Variants in PIP4P2 observed in about 807,000 individuals in gnomAD.
PIP4P2 encodes type 2 phosphatidylinositol 4,5-bisphosphate 4-phosphatase.
PIP4P2 carries 19 observed loss-of-function variants against 33.3 expected under a neutral mutation model. The ratio of observed to expected loss-of-function variants is 0.57; its 90% CI spans 0.40 to 0.84. PIP4P2 has a LOEUF of 0.84. Among genes scored for constraint, PIP4P2 ranks in the 40% least tolerant of loss-of-function variants. PIP4P2 has a pLI of 0.00. For synonymous variants in PIP4P2, 110 were observed against 111.9 expected (o/e 0.98, Z 0.11); for missense variants, 270 against 324.7 (o/e 0.83, Z 1.29).
At chr8:91,014,094 G>C (rs1811878476) in intron 4 of PIP4P2, among the ~76,000 whole-genome samples, 2 of 152,060 alleles carry the variant, frequency 1.3e-5, no homozygotes, top group South Asian at 4.1e-4. Flanking sequence ...TAAAAAAAGA[G>C]GGACTATGAC....
chr8:91,034,474 C>T (rs747764919), intron 1 of PIP4P2, among the ~76,000 whole-genome samples: 2 of 152,164 alleles, frequency 1.3e-5, no homozygotes, highest in Non-Finnish European at 2.9e-5. Flanking sequence ...GAGGATGTGG[C>T]CTCAGTGAAG....
At chr8:91,001,953 A>G (rs777834469) in intron 5 of PIP4P2, among the ~76,000 whole-genome samples, 8 of 152,168 alleles carry the variant, frequency 5.3e-5, no homozygotes, top group African/African-American at 1.4e-4. Context: ...CCTAGATCGC[A>G]TAAGTGATAT....
At chr8:91,004,206 G>A (rs1811739117) in intron 5 of PIP4P2, among the ~76,000 whole-genome samples, 1 of 152,148 alleles carries the variant, frequency 6.6e-6, no homozygotes, top group African/African-American at 2.4e-5. Context: ...GGAGCTGAGG[G>A]ACCACTGGTG....
chr8:91,031,955 G>A (rs62528334), intron 1 of PIP4P2, among the ~76,000 whole-genome samples: 7,039 of 151,866 alleles, frequency 0.046, 293 homozygotes, highest in South Asian at 0.19. Flanking sequence ...TTTCCTAAGT[G>A]TGTCCAGCTT....
chr8:91,025,548 T>C (rs1184274851), intron 1 of PIP4P2, among the ~76,000 whole-genome samples: 1 of 152,218 alleles, frequency 6.6e-6, no homozygotes, highest in African/African-American at 2.4e-5. Flanking sequence ...CAATTATTCC[T>C]TTATACGTCT....
chr8:91,001,750 T>A (rs1811702729), intron 5 of PIP4P2, among the ~76,000 whole-genome samples: 1 of 152,096 alleles, frequency 6.6e-6, no homozygotes, highest in Non-Finnish European at 1.5e-5. Flanking sequence ...TGATTATGCT[T>A]CTGGAATCTT....
At position 90,995,691 on chromosome 8, in the gene PIP4P2, G is replaced by T. The variant is rs769826071; in HGVS notation, c.760C>A (p.His254Asn). 1 of 1,612,108 alleles carries T rather than the reference G, an allele frequency of 6.2e-7. No homozygotes were observed. Among genetic ancestry groups the T allele is most frequent in the Non-Finnish European group, 8.5e-7 (1 of 1,179,204 alleles). The change falls in exon 7 of 7, where the codon CAC (histidine) becomes AAC (asparagine). Residue 254 changes from histidine (H) to asparagine (N), a missense_variant. By Grantham distance (68) the His-to-Asn change is moderately conservative. Transcript: ENST00000285419. ...CATAAACAAGCTTATGCAAAACTGT[G>T]TTCTGGATAACTGACTCTTATGGCT... The part of the protein sequence containing the change: ...WGAIRVSYPE[H>N]SFA
chr8:91,025,086 G>T (rs1036543001), intron 1 of PIP4P2, among the ~76,000 whole-genome samples: 1 of 151,886 alleles, frequency 6.6e-6, no homozygotes, highest in Non-Finnish European at 1.5e-5. Context: ...GGACCAATGG[G>T]GGGATTTTTC....
At chr8:91,000,774 A>G (rs1028554707) in intron 5 of PIP4P2, among the ~76,000 whole-genome samples, 2 of 151,968 alleles carry the variant, frequency 1.3e-5, no homozygotes, top group South Asian at 2.1e-4. Context: ...ATAAAAATTC[A>G]TATCTTTCAT....
chr8:91,018,163 G>A (rs1348477867), intron 4 of PIP4P2, among the ~76,000 whole-genome samples: 6 of 152,164 alleles, frequency 3.9e-5, no homozygotes, highest in African/African-American at 1.4e-4. Flanking sequence ...CCTACATAGA[G>A]AGGATCCTTT....
At chr8:91,002,787 G>A (rs1378362081) in intron 5 of PIP4P2, among the ~76,000 whole-genome samples, 4 of 152,110 alleles carry the variant, frequency 2.6e-5, no homozygotes, top group African/African-American at 9.7e-5. Flanking sequence ...GGTAGACAAG[G>A]GCAAGGAAAG....
chr8:91,022,171 T>A lies in PIP4P2; in HGVS notation c.107-767A>T, dbSNP rs116636400. 2.9e-3 allele frequency among the ~76,000 whole-genome samples: 443 copies of A among 152,202 alleles called. 4 individuals are homozygous for A. Among genetic ancestry groups the A allele is most frequent in the African/African-American group, 0.01 (418 of 41,540 alleles). ...ACCACAAAAAGAATGGGGAACCAGA[T>A]GAAACAAGTAGCAAAATGTTGATAA... On this transcript the variant is annotated intron_variant, in intron 1 of 6. Transcript: ENST00000285419.
chr8:91,020,905 G>GT (rs1465282044), intron 2 of PIP4P2, among the ~76,000 whole-genome samples: 2 of 152,146 alleles, frequency 1.3e-5, no homozygotes, highest in African/African-American at 2.4e-5. Context: ...CTGTAATGAA[G>GT]TTTAGTACAC....
intron 3 of PIP4P2, 28 bp downstream of exon 3, chr8:91,020,128 GA>G: frequency 6.3e-7 from 1 of 1,599,552 alleles, no homozygotes; most frequent in Non-Finnish European, 8.6e-7. Context: ...ACAAATGAAT[GA>G]ATCAATGAAT....
Position 90,995,817 on chromosome 8 carries a change from C to T in PIP4P2, c.634G>A (p.Gly212Ser). Residue 212 changes from glycine to serine, a missense_variant, in exon 7 of 7, where the codon GGC becomes AGC. Transcript: ENST00000285419. The stretch of plus-strand genomic sequence containing the variant: ...AATCGCCTTGCAAAATCTGGGGTGC[C>T]AACCTAAAATAAAAAGCAATATAAA... ...CIFIGVGLTV[G>S]TPDFARRFRA... The T allele has an allele frequency of 6.3e-7, 1 of 1,594,562 alleles. No individual in the cohort carries two copies. The highest frequency in any genetic ancestry group is 2.2e-5 in the East Asian group (1 of 44,562).
chr8:91,023,744 G>A (rs992039761), intron 1 of PIP4P2, among the ~76,000 whole-genome samples: 1 of 152,062 alleles, frequency 6.6e-6, no homozygotes, highest in South Asian at 2.1e-4. Context: ...CTTCACCAGC[G>A]CTTGTCATAA....
intron 1 of PIP4P2, among the ~76,000 whole-genome samples, chr8:91,038,107 A>T (rs1347909015): frequency 2.6e-5 from 4 of 152,170 alleles, no homozygotes; most frequent in Non-Finnish European, 5.9e-5. Context: ...TGTTACACAG[A>T]CCACACATGA....
chr8:90,995,611 A>G lies in PIP4P2; in HGVS notation c.*66T>C. On this transcript the variant is annotated 3_prime_UTR_variant, in exon 7 of 7. Coordinates refer to ENST00000285419, the MANE Select transcript of PIP4P2 (RefSeq NM_018710.3). ...ATCCATTAGGATAAATAATTTAAAG[A>G]TGTCCAGAGTAGCTTACCAAGAACT... The G allele has an allele frequency of 6.6e-7, 1 of 1,525,586 alleles. No homozygotes were observed. The highest frequency in any genetic ancestry group is 8.8e-7 in the Non-Finnish European group (1 of 1,141,080). The allele number at this position is 1,525,586 out of a possible 1,614,324, so 94.5% of individuals were successfully genotyped here. A position where few individuals can be genotyped will look rare whatever the true frequency, so the allele number is the denominator to read the frequency against.
intron 1 of PIP4P2, among the ~76,000 whole-genome samples, chr8:91,039,780 A>G (rs1812279961): frequency 6.6e-6 from 1 of 152,202 alleles, no homozygotes; most frequent in Admixed American, 6.5e-5. Context: ...ATAGTAATCA[A>G]CTAAAAGGCT....
Sources: gnomAD v4.1 joint callset for allele counts (sites outside exome capture counted in the v4.1 genomes callset) on GRCh38, gnomAD v4.1.1 for gene constraint, MANE v1.5 for transcripts, NCBI Gene and HGNC (gene_info 2026-07-23, HGNC 2026-07-21) for gene names.